The following EMID1 variants were observed in gnomAD, a reference collection of about 807,000 sequenced individuals.
EMID1 encodes EMI domain containing 1.
EMID1 carries 40 observed loss-of-function variants against 60.6 expected under a neutral mutation model. That is an observed-to-expected ratio of 0.66 (90% CI 0.51 to 0.86). The LOEUF is 0.86. EMID1 is among the 40% of genes least tolerant of loss of function. The pLI, the probability that EMID1 is intolerant of heterozygous loss-of-function variation, is 0.00. For missense variants in EMID1, 585 were observed against 597.1 expected (o/e 0.98, Z 0.21); for synonymous variants, 242 against 231.0 (o/e 1.05, Z -0.43).
intron 13 of EMID1, among the ~76,000 whole-genome samples, chr22:29,248,552 T>C (rs1264683774): frequency 6.6e-6 from 1 of 152,150 alleles, no homozygotes; most frequent in East Asian, 1.9e-4. Context: ...CAATTTAAAG[T>C]ATAGTATATG....
At chr22:29,222,406 CTTT>C (rs67787562) in intron 3 of EMID1, among the ~76,000 whole-genome samples, 11 of 88,678 alleles carry the variant, frequency 1.2e-4, no homozygotes, top group East Asian at 3.3e-4. Flanking sequence ...TTTATGCTGA[CTTT>C]TTTTTTTTTT....
At chr22:29,233,109 G>A (rs1241002220) in intron 8 of EMID1, 2 of 505,844 alleles carry the variant, frequency 4.0e-6, no homozygotes, top group East Asian at 3.2e-5. Context: ...CCATTTGACA[G>A]GTGACAGTAC....
At chr22:29,215,653 C>T (rs562510673) in intron 3 of EMID1, 23 bp downstream of exon 3, 20 of 1,600,916 alleles carry the variant, frequency 1.2e-5, no homozygotes, top group East Asian at 8.9e-5. Flanking sequence ...GGCCGGCTCC[C>T]GGAGCCCTGC....
intron 10 of EMID1, 58 bp from the exon 11 acceptor site, chr22:29,234,079 G>T: frequency 6.5e-7 from 1 of 1,546,224 alleles, no homozygotes; most frequent in African/African-American, 1.4e-5. Flanking sequence ...CTGTTCCCAA[G>T]CCCCTGCCCA....
At chr22:29,258,702 T>A in intron 14 of EMID1, 115 bp from the exon 15 acceptor site, 3 of 1,439,552 alleles carry the variant, frequency 2.1e-6, no homozygotes, top group Non-Finnish European at 2.8e-6. Context: ...GATACCAGGG[T>A]GGATTATACC....
At chr22:29,214,492 AGG>A (rs1291578234) in intron 1 of EMID1, among the ~76,000 whole-genome samples, 5 of 152,142 alleles carry the variant, frequency 3.3e-5, no homozygotes, top group African/African-American at 1.2e-4. Flanking sequence ...GGATGTAGGC[AGG>A]TTTCCATTCT....
In EMID1 at chr22:29,225,242, G is replaced by T. The variant is rs773230682; in HGVS notation, c.403+26G>T. The T allele has an allele frequency of 1.2e-5, 19 of 1,611,468 alleles. No individual in the cohort carries two copies. The Middle Eastern group carries it at 4.9e-4, about 42-fold the overall frequency. ...GTGGGTCCTGGGATAGCTTCTTGAG[G>T]TCCCCCTGGGCTGAGGGAGCCCTGG... On this transcript the variant is annotated intron_variant, in intron 4 of 14. Coordinates refer to ENST00000334018, the MANE Select transcript of EMID1 (RefSeq NM_133455.4).
chr22:29,212,266 C>T (rs934108790), intron 1 of EMID1, among the ~76,000 whole-genome samples: 7 of 152,076 alleles, frequency 4.6e-5, no homozygotes, highest in African/African-American at 1.4e-4. Flanking sequence ...GGATTACAGG[C>T]GTAAGCCACT....
intron 13 of EMID1, among the ~76,000 whole-genome samples, chr22:29,253,582 C>CA (rs1012083851): frequency 1.5e-4 from 22 of 150,714 alleles, no homozygotes; most frequent in African/African-American, 5.1e-4. Context: ...AACTTCGTCT[C>CA]AAAAAAAAAT....
At chr22:29,233,334 C>A in intron 8 of EMID1, 45 bp from the exon 9 acceptor site, 1 of 1,605,776 alleles carries the variant, frequency 6.2e-7, no homozygotes, top group East Asian at 2.2e-5. Flanking sequence ...GACTAACCAC[C>A]CCACTCTACC....
At chr22:29,225,053 C>A in intron 3 of EMID1, 80 bp from the exon 4 acceptor site, 1 of 1,462,456 alleles carries the variant, frequency 6.8e-7, no homozygotes, top group Non-Finnish European at 9.5e-7. Flanking sequence ...GGGGTCCCTG[C>A]TGGGGCTACA....
chr22:29,228,156 CA>C (rs748240529), intron 5 of EMID1, among the ~76,000 whole-genome samples: 451 of 38,912 alleles, frequency 0.012, 4 homozygotes, highest in African/African-American at 0.03. Flanking sequence ...AACTCCATCT[CA>C]AAAAAAAAAA....
chr22:29,238,254 A>AATTATT lies in EMID1; in HGVS notation c.1074+3949_1074+3954dup, dbSNP rs3066719. Among the ~76,000 whole-genome samples, 251 of 116,648 alleles carry AATTATT rather than the reference A, an allele frequency of 2.2e-3. 14 individuals carry two copies. Among genetic ancestry groups the AATTATT allele is most frequent in the Middle Eastern group, 4.2e-3 (1 of 238 alleles). 76.5% of individuals were successfully genotyped at this position (116,648 alleles called of 152,430 possible). A position where few individuals can be genotyped will look rare whatever the true frequency, so the allele number is the denominator to read the frequency against. ...TTTGATTCTCTGAAGTTTTTCTAAA[A>AATTATT]ATTATTATTATTATTATTATTATTA... On this transcript the variant is annotated intron_variant, in intron 12 of 14. Transcript: ENST00000334018.
At chr22:29,232,187 T>G in intron 7 of EMID1, 69 bp from the exon 8 acceptor site, 2 of 1,594,130 alleles carry the variant, frequency 1.3e-6, no homozygotes, top group Non-Finnish European at 1.7e-6. Flanking sequence ...TGCCTTGTCC[T>G]GTCGCTCAAG....
intron 4 of EMID1, among the ~76,000 whole-genome samples, 170 bp downstream of exon 4, chr22:29,225,386 G>A (rs1169971054): frequency 1.3e-5 from 2 of 152,194 alleles, no homozygotes; most frequent in Non-Finnish European, 2.9e-5. Flanking sequence ...TTGCTTCAAG[G>A]GGCACAGAAA....
At chr22:29,224,952 C>CCAGTTCATGCT (rs1255296998) in intron 3 of EMID1, among the ~76,000 whole-genome samples, 181 bp from the exon 4 acceptor site, 1 of 152,228 alleles carries the variant, frequency 6.6e-6, no homozygotes, top group Non-Finnish European at 1.5e-5. Flanking sequence ...ATCAGGTGGC[C>CCAGTTCATGCT]AGCCTTGCTC....
Position 29,206,012 on chromosome 22 carries a change from CCG to C in EMID1, c.-20_-19del. The C allele has an allele frequency of 8.3e-7, 1 of 1,201,962 alleles. No individual in the cohort carries two copies. The allele number at this position is 1,201,962 out of a possible 1,614,324, so 74.5% of individuals were successfully genotyped here. On this transcript the variant is annotated 5_prime_UTR_variant, in exon 1 of 15. Transcript: ENST00000334018. ...GGCTGGGGGCGGCGACCGCGAGGGG[CCG>C]CGCGCGGAGGGCGCCTGGTGCAGCA...
At chr22:29,253,548 C>T (rs896344193) in intron 13 of EMID1, among the ~76,000 whole-genome samples, 1 of 152,138 alleles carries the variant, frequency 6.6e-6, no homozygotes, top group African/African-American at 2.4e-5. Context: ...CGCCATTGCA[C>T]TCCAACCTGG....
intron 14 of EMID1, chr22:29,255,186 GCCCT>G: frequency 3.1e-5 from 13 of 425,444 alleles, no homozygotes; most frequent in Non-Finnish European, 4.5e-5. Flanking sequence ...AGCTGGCAGT[GCCCT>G]CCCACCCTCC....
Sources: gnomAD v4.1 joint callset for allele counts (sites outside exome capture counted in the v4.1 genomes callset) on GRCh38, gnomAD v4.1.1 for gene constraint, MANE v1.5 for transcripts, NCBI Gene and HGNC (gene_info 2026-07-23, HGNC 2026-07-21) for gene names.